SEC24D: variants seen among roughly 807,000 people sequenced by gnomAD.
SEC24D encodes the protein protein transport protein Sec24D.
A neutral mutation model predicts 116.9 loss-of-function variants in SEC24D; 69 were observed. The ratio of observed to expected loss-of-function variants is 0.59; its 90% CI spans 0.49 to 0.72. SEC24D has a LOEUF of 0.72. Among genes scored for constraint, SEC24D ranks in the 30% least tolerant of loss-of-function variants. The pLI, the probability that SEC24D is intolerant of heterozygous loss-of-function variation, is 0.00. For missense variants in SEC24D, 1,131 were observed against 1,264.1 expected, an observed-to-expected ratio of 0.89 and a Z score of 1.60; for synonymous variants, 405 against 442.8, an observed-to-expected ratio of 0.91 and a Z score of 1.07.
chr4:118,756,772 G>A (rs1727119981), intron 11 of SEC24D, among the ~76,000 whole-genome samples: 1 of 152,096 alleles, frequency 6.6e-6, no homozygotes, highest in African/African-American at 2.4e-5. Context: ...CTTACTAGAT[G>A]TTATTCCTCA....
intron 2 of SEC24D, among the ~76,000 whole-genome samples, chr4:118,831,772 A>G (rs1242396134): frequency 6.6e-6 from 1 of 152,180 alleles, no homozygotes; most frequent in Non-Finnish European, 1.5e-5. Flanking sequence ...TCTGAGAGAC[A>G]AGCACTTTCT....
At chr4:118,736,501 C>G (rs1184292997) in intron 19 of SEC24D, 2 of 256,734 alleles carry the variant, frequency 7.8e-6, no homozygotes, top group Non-Finnish European at 1.5e-5. Flanking sequence ...ACTTTGGGCT[C>G]TATGGTAAAA....
intron 8 of SEC24D, 23 bp downstream of exon 8, chr4:118,797,660 T>C (rs1377654263): frequency 6.6e-7 from 1 of 1,508,600 alleles, no homozygotes; most frequent in Non-Finnish European, 9.0e-7. Flanking sequence ...AATTATTGAA[T>C]TGCTATTATA....
At position 118,815,609 on chromosome 4, in the gene SEC24D, G is replaced by A. The variant is rs1560746930; in HGVS notation, c.515C>T (p.Pro172Leu). The stretch of plus-strand genomic sequence containing the variant: ...ACCATTGAGTGTGGTGGGTGGTGGT[G>A]GAAGAACTTGAGATCCAGGCTGCAA... The part of the protein sequence containing the change: ...SILQPGSQVL[P>L]PPPTTLNGPG... Residue 172 changes from proline (P) to leucine (L), a missense_variant, in exon 5 of 23, where the codon CCA becomes CTA. Transcript: ENST00000280551. The A allele has an allele frequency of 6.2e-7, 1 of 1,614,192 alleles. No homozygotes were observed. The highest frequency in any genetic ancestry group is 8.5e-7 in the Non-Finnish European group (1 of 1,180,032).
Position 118,731,135 on chromosome 4 carries a change from C to A in SEC24D, c.2868+181G>T. 3 of 601,708 alleles carry A rather than the reference C, an allele frequency of 5.0e-6. No homozygotes were observed. In the Admixed American group the frequency reaches 8.8e-5, roughly 18 times the overall value. 37.3% of individuals were successfully genotyped at this position (601,708 alleles called of 1,614,324 possible). A position where few individuals can be genotyped will look rare whatever the true frequency, so the allele number is the denominator to read the frequency against. ...CATATTTTAGTTGTTTGAAAGTACTCTATACAAATAACTTTATACCAGCTA... is the reference window on the plus strand; with the variant it reads ...CATATTTTAGTTGTTTGAAAGTACTATATACAAATAACTTTATACCAGCTA... On this transcript the variant is annotated intron_variant, in intron 21 of 22. Transcript: ENST00000280551.
intron 2 of SEC24D, among the ~76,000 whole-genome samples, chr4:118,830,689 G>A (rs1214211331): frequency 6.6e-6 from 1 of 151,392 alleles, no homozygotes; most frequent in Non-Finnish European, 1.5e-5. Flanking sequence ...TCTGCTCCAG[G>A]AACATCTACT....
intron 7 of SEC24D, among the ~76,000 whole-genome samples, chr4:118,804,945 C>A (rs1403279909): frequency 1.4e-5 from 2 of 148,036 alleles, no homozygotes; most frequent in Non-Finnish European, 3.0e-5. Flanking sequence ...CTCATGTACA[C>A]AGTCACCTCT....
intron 8 of SEC24D, among the ~76,000 whole-genome samples, chr4:118,785,460 T>C (rs1332306050): frequency 6.6e-6 from 1 of 152,174 alleles, no homozygotes; most frequent in Non-Finnish European, 1.5e-5. Context: ...CTGGGATTCA[T>C]GGTATGAGTT....
At chr4:118,822,053 G>C (rs1467397817) in intron 3 of SEC24D, among the ~76,000 whole-genome samples, 1 of 152,162 alleles carries the variant, frequency 6.6e-6, no homozygotes, top group Non-Finnish European at 1.5e-5. Context: ...TGAGTAACTA[G>C]ATTGAGCTCG....
chr4:118,730,921 T>A (rs546591666), intron 21 of SEC24D: 5 of 250,800 alleles, frequency 2.0e-5, no homozygotes, highest in African/African-American at 1.2e-4. Context: ...AGTTCCCATC[T>A]CTGCCACTTT....
chr4:118,750,405 A>C lies in SEC24D; in HGVS notation c.1707+1591T>G, dbSNP rs375138126. ...TAAGATAGCATTGCTCCCTTTTAGA[A>C]ATGAAATATGGGGTTGAGCTGGAAC... On this transcript the variant is annotated intron_variant, in intron 13 of 22. Transcript: ENST00000280551. 7.2e-5 allele frequency among the ~76,000 whole-genome samples: 11 copies of C among 152,292 alleles called. No individual in the cohort carries two copies. The South Asian group carries it at 2.3e-3, about 32-fold the overall frequency.
intron 8 of SEC24D, among the ~76,000 whole-genome samples, chr4:118,782,407 A>T (rs1316626180): frequency 1.3e-5 from 2 of 152,204 alleles, no homozygotes; most frequent in Non-Finnish European, 2.9e-5. Flanking sequence ...GGGTATCACC[A>T]GCAGAGGCTC....
At position 118,828,400 on chromosome 4, in the gene SEC24D, C is replaced by A. The variant is rs554333850; in HGVS notation, c.119-3651G>T. On this transcript the variant is annotated intron_variant, in intron 2 of 22. Coordinates refer to ENST00000280551, the MANE Select transcript of SEC24D (RefSeq NM_014822.4). ...CTAGGATTACAGGCGTGAGCCACCG[C>A]ACCCGGCCTTACATTAATACTTCTT... 2.0e-5 allele frequency among the ~76,000 whole-genome samples: 3 copies of A among 152,334 alleles called. No homozygotes were observed. In the South Asian group the frequency reaches 6.2e-4, roughly 32 times the overall value.
intron 10 of SEC24D, among the ~76,000 whole-genome samples, chr4:118,762,039 T>C (rs572717091): frequency 2.0e-5 from 3 of 152,036 alleles, no homozygotes; most frequent in African/African-American, 7.2e-5. Flanking sequence ...ACCTTAGACA[T>C]GTTAGGCATC....
intron 8 of SEC24D, among the ~76,000 whole-genome samples, chr4:118,774,505 G>A (rs1245066020): frequency 6.6e-6 from 1 of 152,178 alleles, no homozygotes; most frequent in African/African-American, 2.4e-5. Flanking sequence ...TCAGAGGAAT[G>A]CAAGGTCAGT....
intron 7 of SEC24D, 88 bp from the exon 8 acceptor site, chr4:118,797,898 T>C: frequency 9.7e-7 from 1 of 1,027,454 alleles, no homozygotes; most frequent in Non-Finnish European, 1.4e-6. Flanking sequence ...TACTTCTAGA[T>C]AATGCATTGC....
chr4:118,740,035 A>G (rs1726152433), intron 17 of SEC24D, among the ~76,000 whole-genome samples: 1 of 152,170 alleles, frequency 6.6e-6, no homozygotes, highest in Non-Finnish European at 1.5e-5. Flanking sequence ...TGAGGTATTT[A>G]AAGAGGTAAA....
chr4:118,777,678 A>G (rs1477003577), intron 8 of SEC24D, among the ~76,000 whole-genome samples: 1 of 152,212 alleles, frequency 6.6e-6, no homozygotes, highest in Non-Finnish European at 1.5e-5. Context: ...TCCTTGAGGA[A>G]TCATCACACT....
chr4:118,833,472 T>TTA (rs1730961726), intron 2 of SEC24D, 107 bp downstream of exon 2: 1 of 734,100 alleles, frequency 1.4e-6, no homozygotes, highest in African/African-American at 1.8e-5. Context: ...AGCCATTTCA[T>TTA]TATATAATGA....
Sources: gnomAD v4.1 joint callset for allele counts (sites outside exome capture counted in the v4.1 genomes callset) on GRCh38, gnomAD v4.1.1 for gene constraint, MANE v1.5 for transcripts, NCBI Gene and HGNC (gene_info 2026-07-23, HGNC 2026-07-21) for gene names.